Variants in E2F3 observed in about 807,000 individuals in gnomAD.
E2F3 encodes the protein transcription factor E2F3.
A neutral mutation model predicts 44.4 loss-of-function variants in E2F3; 11 were observed. The observed-to-expected ratio is 0.25, with a 90% CI of 0.16 to 0.41. The LOEUF (loss-of-function observed/expected upper bound fraction) is 0.41, where lower values mean the gene tolerates loss of function less well. Ranked by LOEUF, E2F3 falls within the 10% of genes least tolerant of loss-of-function variation. E2F3 has a pLI of 1.00. For synonymous variants in E2F3, 249 were observed against 253.0 expected, an observed-to-expected ratio of 0.98 and a Z score of 0.15; for missense variants, 487 against 583.6, an observed-to-expected ratio of 0.83 and a Z score of 1.70.
intron 1 of E2F3, among the ~76,000 whole-genome samples, chr6:20,410,280 G>T (rs1759629651): frequency 6.6e-6 from 1 of 152,184 alleles, no homozygotes; most frequent in Non-Finnish European, 1.5e-5. Flanking sequence ...TTTATAACCT[G>T]CACCCTGTCC....
chr6:20,423,478 C>CT (rs903469172), intron 1 of E2F3, among the ~76,000 whole-genome samples: 21 of 151,586 alleles, frequency 1.4e-4, no homozygotes, highest in South Asian at 2.1e-4. Context: ...CATTACAGTG[C>CT]TTTTTTTTTG....
At chr6:20,468,397 A>G (rs1042514443) in intron 1 of E2F3, among the ~76,000 whole-genome samples, 7 of 152,218 alleles carry the variant, frequency 4.6e-5, no homozygotes, top group Non-Finnish European at 8.8e-5. Flanking sequence ...CTGGTTTATT[A>G]TAAACGATAT....
At position 20,466,685 on chromosome 6, in the gene E2F3, CTT is replaced by C. The variant is rs35856468; in HGVS notation, c.394-13147_394-13146del. 1.8e-3 allele frequency among the ~76,000 whole-genome samples: 226 copies of C among 127,670 alleles called. 1 individual carries two copies. The highest frequency in any genetic ancestry group is 3.0e-3 in the Admixed American group (38 of 12,732). The allele number at this position is 127,670 out of a possible 152,430, so 83.8% of individuals were successfully genotyped here. On this transcript the variant is annotated intron_variant, in intron 1 of 6. Coordinates refer to ENST00000346618, the MANE Select transcript of E2F3 (RefSeq NM_001949.5). ...TCTGTTTCATCCCTATCGGTGTGTT[CTT>C]TTTTTTTTTTTTTGAGACGGAGTCT...
chr6:20,460,041 C>T (rs1274948854), intron 1 of E2F3, among the ~76,000 whole-genome samples: 2 of 152,218 alleles, frequency 1.3e-5, no homozygotes, highest in African/African-American at 4.8e-5. Context: ...TTGCTCACTT[C>T]TTTTCTCTCA....
At chr6:20,455,835 G>C (rs1168020422) in intron 1 of E2F3, among the ~76,000 whole-genome samples, 2 of 152,108 alleles carry the variant, frequency 1.3e-5, no homozygotes, top group African/African-American at 2.4e-5. Flanking sequence ...GGCAATTCTA[G>C]AACCAACCCT....
intron 5 of E2F3, 128 bp from the exon 6 acceptor site, chr6:20,487,985 T>C: frequency 7.7e-7 from 1 of 1,295,718 alleles, no homozygotes; most frequent in Non-Finnish European, 1.1e-6. Flanking sequence ...TTCATAGAGT[T>C]GGACTAGTAG....
At chr6:20,429,024 T>C (rs1175721422) in intron 1 of E2F3, among the ~76,000 whole-genome samples, 1 of 152,180 alleles carries the variant, frequency 6.6e-6, no homozygotes, top group African/African-American at 2.4e-5. Flanking sequence ...TTTTTGATTT[T>C]CGTAACTGGG....
intron 1 of E2F3, among the ~76,000 whole-genome samples, chr6:20,411,338 C>T (rs1049731506): frequency 6.6e-6 from 1 of 152,006 alleles, no homozygotes; most frequent in African/African-American, 2.4e-5. Context: ...CAAGGCAGGG[C>T]GGGGGGTTGT....
At chr6:20,468,874 C>T (rs1761799984) in intron 1 of E2F3, among the ~76,000 whole-genome samples, 1 of 152,176 alleles carries the variant, frequency 6.6e-6, no homozygotes, top group Non-Finnish European at 1.5e-5. Flanking sequence ...GCACTCAAAT[C>T]AAGTGACAGA....
Position 20,439,980 on chromosome 6 carries a change from C to A in E2F3, c.393+37355C>A, listed in dbSNP as rs143975654. The A allele has an allele frequency of 6.1e-4, 93 of 152,310 alleles. 1 individual carries two copies. Among genetic ancestry groups the A allele is most frequent in the African/African-American group, 2.1e-3 (88 of 41,558 alleles). 9.4% of individuals were successfully genotyped at this position (152,310 alleles called of 1,614,324 possible). ...AGGTTTGAGTTTTGATTATAGACTT[C>A]GATGGAGAAAGCAATGGCGCCACAA... On this transcript the variant is annotated intron_variant, in intron 1 of 6. Transcript: ENST00000346618.
chr6:20,481,509 A>G (rs1762223780), intron 3 of E2F3, 84 bp downstream of exon 3: 1 of 1,166,988 alleles, frequency 8.6e-7, no homozygotes, highest in South Asian at 1.3e-5. Context: ...TTTCACATCC[A>G]CGCCCACACG....
chr6:20,482,176 A>G (rs1762245557), intron 3 of E2F3, among the ~76,000 whole-genome samples: 1 of 152,050 alleles, frequency 6.6e-6, no homozygotes, highest in Admixed American at 6.6e-5. Context: ...CAGTTTGGTA[A>G]CCCGTTTTGG....
chr6:20,403,791 C>T, intron 1 of E2F3: 4 of 1,498,756 alleles, frequency 2.7e-6, no homozygotes, highest in Non-Finnish European at 3.5e-6. Context: ...CCCACCTCCC[C>T]CCGGAGCCAG....
chr6:20,451,409 G>A (rs1761126816), intron 1 of E2F3, among the ~76,000 whole-genome samples: 1 of 152,122 alleles, frequency 6.6e-6, no homozygotes, highest in African/African-American at 2.4e-5. Flanking sequence ...TGTTGCTTTT[G>A]TATCCTGAGA....
chr6:20,414,318 G>A (rs919422273), intron 1 of E2F3, among the ~76,000 whole-genome samples: 3 of 152,060 alleles, frequency 2.0e-5, no homozygotes, highest in East Asian at 1.9e-4. Flanking sequence ...GCTTTACCCC[G>A]TCTCCTAGCT....
chr6:20,481,553 TCTCA>T, intron 3 of E2F3, 128 bp downstream of exon 3: 1 of 795,432 alleles, frequency 1.3e-6, no homozygotes, highest in Admixed American at 2.7e-5. Context: ...TTTTCTTCTC[TCTCA>T]TTCTCTCTTC....
intron 6 of E2F3, among the ~76,000 whole-genome samples, chr6:20,488,656 T>C (rs4134974): frequency 0.088 from 13,442 of 152,110 alleles, 627 homozygotes; most frequent in East Asian, 0.11. Context: ...TTGTCTTATT[T>C]TCCCCCCCAA....
At position 20,402,318 on chromosome 6, in the gene E2F3, C is replaced by T. The variant is rs1426063483; in HGVS notation, c.86C>T (p.Ala29Val). 1.9e-6 allele frequency: 3 copies of T among 1,610,326 alleles called. No homozygotes were observed. The highest frequency in any genetic ancestry group is 2.5e-6 in the Non-Finnish European group (3 of 1,179,104). Reference sequence around the variant, plus strand: ...GGGGCGGCTGTCGTCGCCGCCGCCGCTGCAGCCTCCATGGACAAAAGGGCA... The same window carrying T: ...GGGGCGGCTGTCGTCGCCGCCGCCGTTGCAGCCTCCATGGACAAAAGGGCA... ...GEGAAVVAAAAAASMDKRALL... is the reference protein window; with the variant it reads ...GEGAAVVAAAVAASMDKRALL... The change falls in exon 1 of 7, where the codon GCT (alanine) becomes GTT (valine). Residue 29 changes from alanine to valine, a missense_variant. By Grantham distance (64) the Ala-to-Val change is moderately conservative. Coordinates refer to ENST00000346618, the MANE Select transcript of E2F3 (RefSeq NM_001949.5). The surrounding 1 kb of genome is among the most constrained non-coding windows in gnomAD (Gnocchi z 5.6).
intron 1 of E2F3, among the ~76,000 whole-genome samples, chr6:20,458,738 A>T (rs551687723): frequency 2.0e-5 from 3 of 152,188 alleles, no homozygotes; most frequent in South Asian, 4.2e-4. Context: ...TTGTGTGGAG[A>T]TTGCATTTTT....
Sources: allele counts gnomAD v4.1 joint callset (sites outside exome capture counted in the v4.1 genomes callset), GRCh38; gene constraint gnomAD v4.1.1; non-coding constraint Gnocchi (gnomAD v3.1); transcripts MANE v1.5; gene names NCBI Gene and HGNC (gene_info 2026-07-23, HGNC 2026-07-21).